The following VAX1 variants were observed in gnomAD, a reference collection of about 807,000 sequenced individuals.
VAX1 encodes ventral anterior homeobox 1.
VAX1 carries 6 observed loss-of-function variants against 17.6 expected under a neutral mutation model. The observed-to-expected ratio is 0.34, with a 90% CI of 0.19 to 0.67. The LOEUF is 0.67. VAX1 is among the 30% of genes least tolerant of loss of function. The probability of loss-of-function intolerance (pLI) is 0.69; values close to 1 mark genes in which losing one functional copy is unlikely to be tolerated. For synonymous variants in VAX1, 256 were observed against 227.4 expected (o/e 1.13, Z -1.13); for missense variants, 408 against 463.7 (o/e 0.88, Z 1.10).
Position 117,138,018 on chromosome 10 carries a change from G to C in VAX1, c.39C>G (p.His13Gln), listed in dbSNP as rs200217488. Residue 13 changes from histidine (H) to glutamine (Q), a missense_variant, in exon 1 of 3, where the codon CAC (histidine) becomes CAG (glutamine). His to Gln is a conservative substitution (Grantham distance 24, BLOSUM62 0). Transcript: ENST00000369206. ...AGACCCGGGCAGCCTCGGCGTCCGAGTGGCATCGAACGTCCATTTTGTCTG... is the reference window on the plus strand; with the variant it reads ...AGACCCGGGCAGCCTCGGCGTCCGACTGGCATCGAACGTCCATTTTGTCTG... ...GKPDKMDVRC[H>Q]SDAEAARVSK... 5.7e-6 allele frequency: 9 copies of C among 1,569,010 alleles called. No individual in the cohort carries two copies. The East Asian group carries it at 2.0e-4, about 34-fold the overall frequency.
In VAX1 at chr10:117,136,560, C is replaced by A; in HGVS notation, c.341G>T (p.Arg114Leu). The A allele has an allele frequency of 1.2e-6, 2 of 1,613,806 alleles. No individual in the cohort carries two copies. The highest frequency in any genetic ancestry group is 1.1e-5 in the South Asian group (1 of 91,086). ...RTSFTAEQLY[R>L]LEMEFQRCQY... ...GCAGCGCTGGAACTCCATCTCCAGC[C>A]GATAGAGCTGCTCCGCGGTGAAGGA... Residue 114 changes from arginine to leucine, a missense_variant, in exon 2 of 3, where the codon CGG becomes CTG. Coordinates refer to ENST00000369206, the MANE Select transcript of VAX1 (RefSeq NM_001112704.2). The surrounding 1 kb of genome is among the most constrained non-coding windows in gnomAD (Gnocchi z 5.0).
chr10:117,129,499 T>G (rs1047288689), downstream of VAX1: 4 of 152,610 alleles, frequency 2.6e-5, no homozygotes, highest in African/African-American at 9.7e-5. Context: ...TTAAAAAGAC[T>G]TCTTAAAAAA....
chr10:117,138,227 G>A lies in VAX1; in HGVS notation c.-171C>T. 1.2e-6 allele frequency: 1 copy of A among 848,100 alleles called. No individual in the cohort carries two copies. The allele number at this position is 848,100 out of a possible 1,614,324, so 52.5% of individuals were successfully genotyped here. On this transcript the variant is annotated 5_prime_UTR_variant, in exon 1 of 3. Coordinates refer to ENST00000369206, the MANE Select transcript of VAX1 (RefSeq NM_001112704.2). Reference sequence around the variant, plus strand: ...GGGGCAAGAATGAATGTCCCCGCGGGGAGGCTTCGGCGGCCGCGCGCGGGT... The same window carrying A: ...GGGGCAAGAATGAATGTCCCCGCGGAGAGGCTTCGGCGGCCGCGCGCGGGT...
At position 117,137,835 on chromosome 10, in the gene VAX1, G is replaced by A. The variant is rs894740125; in HGVS notation, c.222C>T (p.Cys74=). Residue 74 remains cysteine (C), a synonymous_variant, in exon 1 of 3, where the codon TGC becomes TGT. Transcript: ENST00000369206. The surrounding 1 kb of genome is among the most constrained non-coding windows in gnomAD (Gnocchi z 7.4). ...KSNSAADPDY[C]RRILVRDAKG... Reference sequence around the variant, plus strand: ...CCCTACCTCGGACCAGGATCCGGCGGCAGTAATCCGGGTCCGCTGCGGAAT... The same window carrying A: ...CCCTACCTCGGACCAGGATCCGGCGACAGTAATCCGGGTCCGCTGCGGAAT... The A allele has an allele frequency of 6.8e-6, 11 of 1,612,648 alleles. No individual in the cohort carries two copies. Among genetic ancestry groups the A allele is most frequent in the Non-Finnish European group, 9.3e-6 (11 of 1,179,978 alleles).
downstream of VAX1, chr10:117,132,508 G>A (rs780792802): frequency 1.3e-6 from 2 of 1,585,118 alleles, no homozygotes; most frequent in Middle Eastern, 1.7e-4. This position sits in a 1 kb window ranked among gnomAD's most constrained non-coding sequence, Gnocchi z 4.9. Context: ...AAAAAGAGGG[G>A]GAGAGTTTCC....
At chr10:117,130,500 TTCAGCTC>T (rs1217626089), downstream of VAX1, 2 of 97,752 alleles carry the variant, frequency 2.0e-5, no homozygotes, top group African/African-American at 4.6e-5. Context: ...TCAGATTCCT[TTCAGCTC>T]CCCCCTCCTG....
chr10:117,138,206 C>A lies in VAX1; in HGVS notation c.-150G>T, dbSNP rs1231910967. On this transcript the variant is annotated 5_prime_UTR_variant, in exon 1 of 3. Transcript: ENST00000369206. ...GCCCGGCCCGGCGACAGGCAAGGGG[C>A]AAGAATGAATGTCCCCGCGGGGAGG... 1.0e-6 allele frequency: 1 copy of A among 982,926 alleles called. No homozygotes were observed. The highest frequency in any genetic ancestry group is 1.5e-5 in the South Asian group (1 of 64,690). The allele number at this position is 982,926 out of a possible 1,614,324, so 60.9% of individuals were successfully genotyped here.
Position 117,138,190 on chromosome 10 carries a change from G to C in VAX1, c.-134C>G. ...ACAACGCGGCCCGTACGCCCGGCCC[G>C]GCGACAGGCAAGGGGCAAGAATGAA... On this transcript the variant is annotated 5_prime_UTR_variant, in exon 1 of 3. Coordinates refer to ENST00000369206, the MANE Select transcript of VAX1 (RefSeq NM_001112704.2). 3.6e-6 allele frequency: 4 copies of C among 1,099,450 alleles called. No homozygotes were observed. Among genetic ancestry groups the C allele is most frequent in the Non-Finnish European group, 3.9e-6 (3 of 776,644 alleles). 68.1% of individuals were successfully genotyped at this position (1,099,450 alleles called of 1,614,324 possible). A position where few individuals can be genotyped will look rare whatever the true frequency, so the allele number is the denominator to read the frequency against.
chr10:117,133,176 C>T (rs1244403612), downstream of VAX1: 4 of 662,206 alleles, frequency 6.0e-6, no homozygotes, highest in Non-Finnish European at 7.5e-6. Context: ...TTTAAAGTTA[C>T]AACACCCAGA....
intron 2 of VAX1, among the ~76,000 whole-genome samples, chr10:117,135,494 G>T (rs1854161138): frequency 6.6e-6 from 1 of 152,186 alleles, no homozygotes; most frequent in Admixed American, 6.5e-5. Flanking sequence ...TAAACTAAGA[G>T]GAGTAGTAGC....
downstream of VAX1, chr10:117,128,719 T>C (rs1291868964): frequency 1.3e-5 from 2 of 152,182 alleles, no homozygotes; most frequent in African/African-American, 4.8e-5. Context: ...CATGCCAGGT[T>C]CTCTGGACCT....
chr10:117,136,337 A>G lies in VAX1; in HGVS notation c.429+135T>C. On this transcript the variant is annotated intron_variant, in intron 2 of 2. Transcript: ENST00000369206. The surrounding 1 kb of genome is among the most constrained non-coding windows in gnomAD (Gnocchi z 5.0). ...GGGAAGGAATCCTTAGGCCTGTCTT[A>G]CCCATCCTTCCCATCTCCTCCACCT... The G allele has an allele frequency of 9.5e-7, 1 of 1,049,290 alleles. No individual in the cohort carries two copies. The highest frequency in any genetic ancestry group is 1.4e-6 in the Non-Finnish European group (1 of 736,868). The allele number at this position is 1,049,290 out of a possible 1,614,324, so 65.0% of individuals were successfully genotyped here.
Position 117,136,564 on chromosome 10 carries a change from A to G in VAX1, c.337T>C (p.Tyr113His). Residue 113 changes from tyrosine to histidine, a missense_variant, in exon 2 of 3, where the codon TAT (tyrosine) becomes CAT (histidine). Physicochemically the swap from Tyr to His is moderately conservative, Grantham distance 83. This residue lies in a region of VAX1 where 75 missense variants were observed against 116.1 expected (regional missense o/e 0.65). Transcript: ENST00000369206. The surrounding 1 kb of genome is among the most constrained non-coding windows in gnomAD (Gnocchi z 5.0). ...CGCTGGAACTCCATCTCCAGCCGAT[A>G]GAGCTGCTCCGCGGTGAAGGACGTG... ...TRTSFTAEQLYRLEMEFQRCQ... is the reference protein window; with the variant it reads ...TRTSFTAEQLHRLEMEFQRCQ... 2 of 1,613,776 alleles carry G rather than the reference A, an allele frequency of 1.2e-6. No homozygotes were observed. Among genetic ancestry groups the G allele is most frequent in the Non-Finnish European group, 1.7e-6 (2 of 1,179,934 alleles).
At chr10:117,132,260 A>T, downstream of VAX1, 1 of 1,614,058 alleles carries the variant, frequency 6.2e-7, no homozygotes, top group Non-Finnish European at 8.5e-7. This position sits in a 1 kb window ranked among gnomAD's most constrained non-coding sequence, Gnocchi z 4.9. Flanking sequence ...GAGACTCATC[A>T]TTTGCTGGCT....
chr10:117,134,467 C>T lies in VAX1; in HGVS notation c.546G>A (p.Leu182=). Reference sequence around the variant, plus strand: ...GCGGCGACAACAGGCGGCCCTGCTCCAGCAGCCGTAGCACGCTGCACGTGG... The same window carrying T: ...GCGGCGACAACAGGCGGCCCTGCTCTAGCAGCCGTAGCACGCTGCACGTGG... ...TAATCSVLRL[L]EQGRLLSPPG... Residue 182 remains leucine (L), a synonymous_variant, in exon 3 of 3, where the codon CTG becomes CTA. Transcript: ENST00000369206. The surrounding 1 kb of genome is among the most constrained non-coding windows in gnomAD (Gnocchi z 6.2). 6.6e-7 allele frequency: 1 copy of T among 1,519,368 alleles called. No individual in the cohort carries two copies. The highest frequency in any genetic ancestry group is 1.2e-5 in the South Asian group (1 of 82,556). 94.1% of individuals were successfully genotyped at this position (1,519,368 alleles called of 1,614,324 possible). A position where few individuals can be genotyped will look rare whatever the true frequency, so the allele number is the denominator to read the frequency against.
downstream of VAX1, chr10:117,132,225 C>G: frequency 6.2e-7 from 1 of 1,613,982 alleles, no homozygotes; most frequent in Non-Finnish European, 8.5e-7. This position sits in a 1 kb window ranked among gnomAD's most constrained non-coding sequence, Gnocchi z 4.9. Flanking sequence ...GGGCTGCCAC[C>G]CTCTGCCCCC....
At chr10:117,130,566 T>C (rs915903057), downstream of VAX1, 2 of 152,210 alleles carry the variant, frequency 1.3e-5, no homozygotes, top group African/African-American at 4.8e-5. Context: ...GCTATTGGCA[T>C]AGAGGGTACC....
Position 117,136,182 on chromosome 10 carries a change from C to T in VAX1, c.429+290G>A, listed in dbSNP as rs560467176. On this transcript the variant is annotated intron_variant, in intron 2 of 2. Transcript: ENST00000369206. The surrounding 1 kb of genome is among the most constrained non-coding windows in gnomAD (Gnocchi z 5.0). The stretch of plus-strand genomic sequence containing the variant: ...GAAGCTCGAAGGAAATGCTCAAAAC[C>T]GGGGGACAATAAAAATTCCAAAAGG... 8.3e-4 allele frequency among the ~76,000 whole-genome samples: 127 copies of T among 152,334 alleles called. 3 individuals carry two copies. In the South Asian group the frequency reaches 0.025, roughly 30 times the overall value.
downstream of VAX1, chr10:117,128,928 C>T (rs988789219): frequency 3.9e-5 from 6 of 152,200 alleles, no homozygotes; most frequent in African/African-American, 1.4e-4. Flanking sequence ...TTCCCTGAGA[C>T]CTGAGAAACC....
Sources: gnomAD v4.1 joint callset for allele counts (sites outside exome capture counted in the v4.1 genomes callset) on GRCh38, gnomAD v4.1.1 for gene constraint, gnomAD v4.1.1 regional missense constraint, Gnocchi (gnomAD v3.1) non-coding constraint, MANE v1.5 for transcripts, NCBI Gene and HGNC (gene_info 2026-07-23, HGNC 2026-07-21) for gene names.